ZNF81: variants seen among roughly 807,000 people sequenced by gnomAD.
ZNF81 encodes the protein zinc finger protein 81.
ZNF81 carries 5 observed loss-of-function variants against 32.3 expected under a neutral mutation model. That is an observed-to-expected ratio of 0.15 (90% CI 0.08 to 0.33). The LOEUF is 0.33. Ranked by LOEUF, ZNF81 falls within the 10% of genes least tolerant of loss-of-function variation. ZNF81 has a pLI of 1.00. For synonymous variants in ZNF81, 163 were observed against 166.8 expected (o/e 0.98, Z 0.17); for missense variants, 379 against 479.8 (o/e 0.79, Z 1.96).
intron 2 of ZNF81, among the ~76,000 whole-genome samples, chrX:47,871,880 C>T (rs782220376): frequency 8.9e-6 from 1 of 111,989 alleles, no homozygotes; most frequent in East Asian, 2.8e-4. Flanking sequence ...AATGAGCTGT[C>T]GGTCTATAGC....
chrX:47,901,090 G>T (rs1242076386), intron 4 of ZNF81, among the ~76,000 whole-genome samples: 2 of 88,031 alleles, frequency 2.3e-5, no homozygotes, highest in African/African-American at 7.5e-5. Context: ...TACAAAATCT[G>T]CCTGCTTTTG....
intron 4 of ZNF81, among the ~76,000 whole-genome samples, chrX:47,907,505 T>G (rs1228338877): frequency 9.0e-6 from 1 of 111,528 alleles, no homozygotes. Flanking sequence ...GTCTCCTTTT[T>G]AAAAAGATCA....
chrX:47,848,501 G>A (rs1263789059), intron 2 of ZNF81, among the ~76,000 whole-genome samples: 2 of 110,370 alleles, frequency 1.8e-5, no homozygotes, highest in Admixed American at 9.8e-5. Context: ...GAATATTCCC[G>A]TGCTATTTTT....
chrX:47,908,747 A>C (rs2058729255), intron 4 of ZNF81, among the ~76,000 whole-genome samples: 1 of 112,095 alleles, frequency 8.9e-6, no homozygotes, highest in Non-Finnish European at 1.9e-5. Context: ...AACCTCAAAA[A>C]ATTTGTTGAA....
In ZNF81 at chrX:47,922,885, A is replaced by C. The variant is rs1186714202; in HGVS notation, c.*6253A>C. On this transcript the variant is annotated 3_prime_UTR_variant, in exon 5 of 5. Transcript: ENST00000338637. ...CTAGCTTTTGAGAGCTTCAGGTGTT[A>C]TTTGGCTTATAGATGCATTATTCCT... Among the ~76,000 whole-genome samples, 1 of 110,909 alleles carries C rather than the reference A, an allele frequency of 9.0e-6. No individual in the cohort carries two copies. Among genetic ancestry groups the C allele is most frequent in the East Asian group, 2.8e-4 (1 of 3,548 alleles).
chrX:47,861,594 G>A (rs781965866), intron 2 of ZNF81, among the ~76,000 whole-genome samples: 2 of 111,923 alleles, frequency 1.8e-5, no homozygotes, highest in Non-Finnish European at 3.8e-5. Flanking sequence ...AGTGCTCCAA[G>A]CAGCAGTCTG....
At chrX:47,908,561 T>C (rs1449109850) in intron 4 of ZNF81, among the ~76,000 whole-genome samples, 1 of 111,895 alleles carries the variant, frequency 8.9e-6, no homozygotes, top group Non-Finnish European at 1.9e-5. Flanking sequence ...CAAGCAAATA[T>C]ATTCACTAAA....
rs782696144 is a variant in ZNF81, at chrX:47,868,647, G to T, written c.55-19352G>T. Among the ~76,000 whole-genome samples, 11 of 111,222 alleles carry T rather than the reference G, an allele frequency of 9.9e-5. No individual in the cohort carries two copies. In the Admixed American group the frequency reaches 1.1e-3, roughly 11 times the overall value. Reference sequence around the variant, plus strand: ...GATTGTATTATGTGCTTTTGTAGTTGTCCCAAAGCACTATGTTTATTATTC... The same window carrying T: ...GATTGTATTATGTGCTTTTGTAGTTTTCCCAAAGCACTATGTTTATTATTC... On this transcript the variant is annotated intron_variant, in intron 2 of 4. Coordinates refer to ENST00000338637, the MANE Select transcript of ZNF81 (RefSeq NM_007137.5).
At chrX:47,913,564 TA>T (rs1389673003) in intron 4 of ZNF81, among the ~76,000 whole-genome samples, 1 of 112,122 alleles carries the variant, frequency 8.9e-6, no homozygotes, top group Non-Finnish European at 1.9e-5. Context: ...CAAGGTGAAG[TA>T]AAATTCATTC....
intron 2 of ZNF81, among the ~76,000 whole-genome samples, chrX:47,875,246 C>T (rs1265977349): frequency 8.9e-6 from 1 of 112,232 alleles, no homozygotes; most frequent in Admixed American, 9.4e-5. Context: ...TAATTTTTAG[C>T]TTTCTTCTTA....
chrX:47,851,706 G>T (rs2058496274), intron 2 of ZNF81, among the ~76,000 whole-genome samples: 1 of 111,736 alleles, frequency 8.9e-6, no homozygotes, highest in Admixed American at 9.5e-5. Context: ...AATCTTTTCT[G>T]TTCTCCAAGT....
intron 4 of ZNF81, among the ~76,000 whole-genome samples, chrX:47,896,281 C>A (rs1556887238): frequency 9.0e-6 from 1 of 111,660 alleles, no homozygotes; most frequent in Non-Finnish European, 1.9e-5. Flanking sequence ...AACCACACCC[C>A]AGAGTCTTAG....
At chrX:47,853,810 A>G (rs1603172933) in intron 2 of ZNF81, among the ~76,000 whole-genome samples, 1 of 111,701 alleles carries the variant, frequency 9.0e-6, no homozygotes, top group East Asian at 2.8e-4. Flanking sequence ...TTAGCCTCCC[A>G]AAGTGCTGGG....
Position 47,923,127 on chromosome X carries a change from C to A in ZNF81, c.*6495C>A, listed in dbSNP as rs1228292886. On this transcript the variant is annotated 3_prime_UTR_variant, in exon 5 of 5. Coordinates refer to ENST00000338637, the MANE Select transcript of ZNF81 (RefSeq NM_007137.5). ...TTAGGATTTCCACGTATCTTTTTTG[C>A]AGGTACACAGTTCATTAACAAGAAG... 9.0e-6 allele frequency among the ~76,000 whole-genome samples: 1 copy of A among 111,500 alleles called. No individual in the cohort carries two copies. The highest frequency in any genetic ancestry group is 1.9e-5 in the Non-Finnish European group (1 of 53,103).
intron 2 of ZNF81, among the ~76,000 whole-genome samples, chrX:47,850,772 C>A (rs1162777480): frequency 9.1e-6 from 1 of 109,368 alleles, no homozygotes; most frequent in African/African-American, 3.3e-5. Flanking sequence ...TAATAATAAT[C>A]TTTTGAAAAG....
intron 3 of ZNF81, 136 bp downstream of exon 3, chrX:47,888,261 G>A: frequency 1.1e-6 from 1 of 894,935 alleles, no homozygotes; most frequent in Non-Finnish European, 1.6e-6. Context: ...CTTTACAGAA[G>A]TAATCAAGCT....
chrX:47,894,490 T>C (rs1173623806), intron 3 of ZNF81, among the ~76,000 whole-genome samples: 1 of 111,668 alleles, frequency 9.0e-6, no homozygotes, highest in East Asian at 2.8e-4. Flanking sequence ...CCCGAAGTGG[T>C]CGGGTGGGAG....
chrX:47,908,606 G>A (rs368784369), intron 4 of ZNF81, among the ~76,000 whole-genome samples: 3 of 111,924 alleles, frequency 2.7e-5, no homozygotes, highest in South Asian at 3.7e-4. Flanking sequence ...CAGCTTTAGC[G>A]TAATTGCTCA....
In ZNF81 at chrX:47,919,394, T is replaced by A. The variant is rs1478109245; in HGVS notation, c.*2762T>A. 9 of 199,192 alleles carry A rather than the reference T, an allele frequency of 4.5e-5. No individual in the cohort carries two copies. The highest frequency in any genetic ancestry group is 2.4e-4 in the African/African-American group (8 of 33,327). The allele number at this position is 199,192 out of a possible 1,213,427, so 16.4% of individuals were successfully genotyped here. The stretch of plus-strand genomic sequence containing the variant: ...TTCTTCAACTCAGTTATGTTTTATT[T>A]TTATTTGTAATATTTCCATTTGATT... On this transcript the variant is annotated 3_prime_UTR_variant, in exon 5 of 5. Transcript: ENST00000338637.
Sources: allele counts gnomAD v4.1 joint callset (sites outside exome capture counted in the v4.1 genomes callset), GRCh38; gene constraint gnomAD v4.1.1; transcripts MANE v1.5; gene names NCBI Gene and HGNC (gene_info 2026-07-23, HGNC 2026-07-21).